PCDH7: variants seen among roughly 807,000 people sequenced by gnomAD.
PCDH7 encodes protocadherin-7.
Under a neutral mutation model 58.9 loss-of-function variants are expected in PCDH7, and 17 were observed. The observed-to-expected ratio is 0.29, with a 90% CI of 0.20 to 0.43. The LOEUF is 0.43. Ranked by LOEUF, PCDH7 falls within the 20% of genes least tolerant of loss-of-function variation. PCDH7 has a pLI of 1.00. For synonymous variants in PCDH7, 664 were observed against 616.4 expected (o/e 1.08, Z -1.14); for missense variants, 1,274 against 1,441.0 (o/e 0.88, Z 1.88).
At chr4:31,142,477 A>G (rs772734565) in exon 4 of PCDH7, 58 of 1,366,184 alleles carry the variant, frequency 4.2e-5, no homozygotes, top group Non-Finnish European at 5.5e-5. Context: ...TTTCAGATTC[A>G]AGGCCTCTTC....
chr4:31,004,081 G>A (rs1004797184), intron 3 of PCDH7, among the ~76,000 whole-genome samples: 2 of 152,136 alleles, frequency 1.3e-5, no homozygotes, highest in African/African-American at 2.4e-5. Context: ...GGGGTCCTTA[G>A]AGGTTTTACT....
intron 1 of PCDH7, among the ~76,000 whole-genome samples, chr4:30,850,383 C>T (rs1468691440): frequency 6.6e-6 from 1 of 152,020 alleles, no homozygotes; most frequent in Non-Finnish European, 1.5e-5. Context: ...CTCTTCATTC[C>T]TCTGACCAAG....
chr4:30,721,943 G>C lies in PCDH7; in HGVS notation c.521G>C (p.Arg174Pro). 6.4e-7 allele frequency: 1 copy of C among 1,556,906 alleles called. No homozygotes were observed. Among genetic ancestry groups the C allele is most frequent in the Non-Finnish European group, 8.6e-7 (1 of 1,157,332 alleles). The change falls in exon 1 of 2, where the codon CGC becomes CCC. Residue 174 changes from arginine to proline, a missense_variant. Arg to Pro is a moderately radical substitution (Grantham distance 103). Coordinates refer to ENST00000361762, the Ensembl canonical transcript of PCDH7. This position sits in a 1 kb window ranked among gnomAD's most constrained non-coding sequence, Gnocchi z 6.7. ...ACAGCCACCGACCGCGACTTCGGCC[G>C]CAACGGCATCGAGCGCTACGAGCTG...
chr4:30,968,043 T>C (rs1476796220), intron 3 of PCDH7, among the ~76,000 whole-genome samples: 1 of 151,920 alleles, frequency 6.6e-6, no homozygotes, highest in Non-Finnish European at 1.5e-5. Context: ...TTTTAAAGAA[T>C]AGATGTAGTT....
At chr4:30,786,993 A>C (rs543340357) in intron 1 of PCDH7, among the ~76,000 whole-genome samples, 13 of 152,212 alleles carry the variant, frequency 8.5e-5, no homozygotes, top group African/African-American at 3.1e-4. Flanking sequence ...CTTTTTAAAC[A>C]AGTGAAAAAA....
intron 3 of PCDH7, among the ~76,000 whole-genome samples, chr4:31,100,205 A>G (rs975077188): frequency 6.6e-6 from 1 of 152,214 alleles, no homozygotes; most frequent in Non-Finnish European, 1.5e-5. Flanking sequence ...AAGGATAAAA[A>G]AGAAGTAAAG....
intron 1 of PCDH7, among the ~76,000 whole-genome samples, chr4:30,870,295 C>A (rs1735409547): frequency 6.6e-6 from 1 of 152,078 alleles, no homozygotes; most frequent in East Asian, 1.9e-4. Flanking sequence ...ATAATTAGAT[C>A]CCATTTGTCA....
rs1297376922 is a variant in PCDH7 at position 30,722,870 on chromosome 4, A to G, written c.1448A>G (p.Lys483Arg). ...GACACCGAGGGCGACCAGAACAAGA[A>G]AAAGTACTTCTTGCACACCTCGACC... Residue 483 changes from lysine (K) to arginine (R), a missense_variant, in exon 1 of 2, where the codon AAA becomes AGA. Around this residue, in one of 3 missense-constraint regions of PCDH7, gnomAD observed 731 missense variants for 881.9 expected, o/e 0.83. Transcript: ENST00000361762. This position sits in a 1 kb window ranked among gnomAD's most constrained non-coding sequence, Gnocchi z 7.6. 6.2e-7 allele frequency: 1 copy of G among 1,613,734 alleles called. No homozygotes were observed. Among genetic ancestry groups the G allele is most frequent in the Admixed American group, 1.7e-5 (1 of 59,998 alleles).
chr4:30,972,768 C>T (rs1191023852), intron 3 of PCDH7, among the ~76,000 whole-genome samples: 1 of 152,180 alleles, frequency 6.6e-6, no homozygotes, highest in African/African-American at 2.4e-5. Flanking sequence ...GGCACAATCA[C>T]GCCTAGTCCA....
chr4:31,039,492 G>C (rs994768834), intron 3 of PCDH7, among the ~76,000 whole-genome samples: 1 of 152,068 alleles, frequency 6.6e-6, no homozygotes, highest in South Asian at 2.1e-4. Flanking sequence ...GAATTCCTGA[G>C]CTCACACGAT....
chr4:30,918,286 C>T (rs1440597199), intron 1 of PCDH7, among the ~76,000 whole-genome samples: 1 of 151,876 alleles, frequency 6.6e-6, no homozygotes, highest in Non-Finnish European at 1.5e-5. Context: ...GTCTCATTTC[C>T]AAGGTGAGAC....
At position 30,896,889 on chromosome 4, in the gene PCDH7, CTTTTTTTTTTTTTT is replaced by C. The variant is rs71190474; in HGVS notation, c.71-23244_71-23231del. On this transcript the variant is annotated intron_variant, in intron 1 of 3. Coordinates refer to the PCDH7 transcript ENST00000509759. ...GTCTTGTGCCCCTCCTAGTTCTTTG[CTTTTTTTTTTTTTT>C]TTTTTTTTTTTTTTTTTTTGAGGTG... 4.0e-4 allele frequency among the ~76,000 whole-genome samples: 11 copies of C among 27,348 alleles called. No individual in the cohort carries two copies. The South Asian group carries it at 0.014, about 36-fold the overall frequency. The allele number at this position is 27,348 out of a possible 152,430, so 17.9% of individuals were successfully genotyped here. A position where few individuals can be genotyped will look rare whatever the true frequency, so the allele number is the denominator to read the frequency against.
chr4:31,088,478 T>C (rs1712770312), intron 3 of PCDH7, among the ~76,000 whole-genome samples: 1 of 152,042 alleles, frequency 6.6e-6, no homozygotes, highest in African/African-American at 2.4e-5. Flanking sequence ...TTATATCTCA[T>C]ACGTCATAAA....
intron 1 of PCDH7, among the ~76,000 whole-genome samples, chr4:30,884,120 C>G (rs913726182): frequency 2.0e-5 from 3 of 152,042 alleles, no homozygotes; most frequent in Non-Finnish European, 4.4e-5. Context: ...AATACCATGA[C>G]CAATAATTTG....
At chr4:30,939,475 C>T (rs986326536) in intron 2 of PCDH7, among the ~76,000 whole-genome samples, 1 of 152,232 alleles carries the variant, frequency 6.6e-6, no homozygotes, top group South Asian at 2.1e-4. Flanking sequence ...TGTTGTGAGA[C>T]TCCAGCATAG....
chr4:30,894,395 A>G (rs929031068), intron 1 of PCDH7, among the ~76,000 whole-genome samples: 11 of 145,060 alleles, frequency 7.6e-5, no homozygotes, highest in African/African-American at 2.8e-4. Context: ...CTTTCCAGAT[A>G]AGCTCAGTTG....
intron 3 of PCDH7, among the ~76,000 whole-genome samples, chr4:31,029,477 T>C (rs1754717580): frequency 6.6e-6 from 1 of 152,096 alleles, no homozygotes; most frequent in African/African-American, 2.4e-5. Context: ...GAAAACCAGA[T>C]ATTTGCAGGC....
intron 1 of PCDH7, among the ~76,000 whole-genome samples, chr4:30,766,096 C>T (rs1271225426): frequency 7.8e-6 from 1 of 128,672 alleles, no homozygotes; most frequent in Non-Finnish European, 1.6e-5. Context: ...AGACAGATCT[C>T]TCCCATTAAA....
chr4:31,118,396 AT>A (rs1411936048), intron 3 of PCDH7, among the ~76,000 whole-genome samples: 2 of 151,834 alleles, frequency 1.3e-5, no homozygotes, highest in South Asian at 2.1e-4. Context: ...CCCAACTAAC[AT>A]TTTTTTTAAT....
Sources: allele counts gnomAD v4.1 joint callset (sites outside exome capture counted in the v4.1 genomes callset), GRCh38; gene constraint gnomAD v4.1.1; regional missense constraint gnomAD v4.1.1; non-coding constraint Gnocchi (gnomAD v3.1); transcripts MANE v1.5; gene names NCBI Gene and HGNC (gene_info 2026-07-23, HGNC 2026-07-21).